The following GRIK1 variants were observed in gnomAD, a reference collection of about 807,000 sequenced individuals.
GRIK1 encodes the protein glutamate receptor ionotropic, kainate 1.
Under a neutral mutation model 105.7 loss-of-function variants are expected in GRIK1, and 69 were observed. The ratio of observed to expected loss-of-function variants is 0.65; its 90% CI spans 0.54 to 0.80. GRIK1 has a LOEUF of 0.80. GRIK1 is among the 30% of genes least tolerant of loss of function. The pLI is 0.00. For missense variants in GRIK1, 1,109 were observed against 1,167.3 expected, an observed-to-expected ratio of 0.95 and a Z score of 0.73; for synonymous variants, 438 against 431.3, an observed-to-expected ratio of 1.02 and a Z score of -0.19.
At chr21:29,555,459 T>C (rs2090228181) in intron 15 of GRIK1, among the ~76,000 whole-genome samples, 157 bp from the exon 16 acceptor site, 1 of 152,064 alleles carries the variant, frequency 6.6e-6, no homozygotes, top group African/African-American at 2.4e-5. Flanking sequence ...CACTCCTATA[T>C]TTTGAAGGCA....
chr21:29,619,972 T>C (rs955715577), intron 7 of GRIK1, among the ~76,000 whole-genome samples: 30 of 152,238 alleles, frequency 2.0e-4, no homozygotes, highest in African/African-American at 7.0e-4. Context: ...CATCAAAGGA[T>C]GACCAAAGAT....
chr21:29,685,128 A>G (rs1029738367), intron 3 of GRIK1, among the ~76,000 whole-genome samples: 12 of 152,156 alleles, frequency 7.9e-5, no homozygotes, highest in Admixed American at 2.6e-4. Flanking sequence ...TTATGTCCTT[A>G]CACTTTTCTT....
At chr21:29,835,098 G>C (rs1203420015) in intron 1 of GRIK1, among the ~76,000 whole-genome samples, 1 of 152,046 alleles carries the variant, frequency 6.6e-6, no homozygotes, top group Non-Finnish European at 1.5e-5. Flanking sequence ...GCTTCTTCTG[G>C]ACCGCACTTA....
chr21:29,938,047 T>C (rs1298334656), intron 1 of GRIK1, among the ~76,000 whole-genome samples: 1 of 152,234 alleles, frequency 6.6e-6, no homozygotes, highest in African/African-American at 2.4e-5. Flanking sequence ...CAGCTCAAAG[T>C]AGCACATTTC....
rs1428417093 is a variant in GRIK1, at chr21:29,786,637, CCA to C, written c.119-92576_119-92575del. On this transcript the variant is annotated intron_variant, in intron 1 of 17. Coordinates refer to ENST00000327783, the MANE Select transcript of GRIK1 (RefSeq NM_001330994.2). ...ACACAGAAAAGTCTCTCTGGTATTG[CCA>C]CAGTTAATAAATTTCCTGTGAAACC... 6.6e-5 allele frequency among the ~76,000 whole-genome samples: 10 copies of C among 152,290 alleles called. No homozygotes were observed. The East Asian group carries it at 1.9e-3, about 29-fold the overall frequency.
chr21:29,837,665 A>C (rs111506825), intron 1 of GRIK1, among the ~76,000 whole-genome samples: 1 of 152,330 alleles, frequency 6.6e-6, no homozygotes, highest in Middle Eastern at 3.4e-3. Flanking sequence ...ATATTTTAGA[A>C]TATATGAAGA....
At chr21:29,758,981 G>A (rs1317638174) in intron 1 of GRIK1, 6 of 153,372 alleles carry the variant, frequency 3.9e-5, no homozygotes, top group East Asian at 1.9e-4. Flanking sequence ...TCAGCTAAGC[G>A]AGTCACTCAG....
chr21:29,738,062 G>A (rs1406370868), intron 1 of GRIK1, among the ~76,000 whole-genome samples: 1 of 152,246 alleles, frequency 6.6e-6, no homozygotes, highest in Non-Finnish European at 1.5e-5. Context: ...AGCAACCATA[G>A]AGACAGCTCA....
In GRIK1 at chr21:29,579,979, ATATGTGTG is replaced by A. The variant is rs1438816214; in HGVS notation, c.1912+1438_1912+1445del. Among the ~76,000 whole-genome samples the A allele has an allele frequency of 2.1e-5, 3 of 142,626 alleles. No individual in the cohort carries two copies. The East Asian group carries it at 6.0e-4, about 28-fold the overall frequency. The allele number at this position is 142,626 out of a possible 152,430, so 93.6% of individuals were successfully genotyped here. A position where few individuals can be genotyped will look rare whatever the true frequency, so the allele number is the denominator to read the frequency against. ...TATGTGTGTGTGTATATATATATAT[ATATGTGTG>A]TATATATATGTATATATATGTATAT... On this transcript the variant is annotated intron_variant, in intron 13 of 17. Coordinates refer to ENST00000327783, the MANE Select transcript of GRIK1 (RefSeq NM_001330994.2).
intron 1 of GRIK1, among the ~76,000 whole-genome samples, chr21:29,855,939 T>C (rs1379697044): frequency 6.6e-6 from 1 of 152,116 alleles, no homozygotes; most frequent in Non-Finnish European, 1.5e-5. Flanking sequence ...GTTTGAGGAA[T>C]GTTTGGTAAA....
intron 1 of GRIK1, among the ~76,000 whole-genome samples, chr21:29,870,840 C>T (rs1311790901): frequency 1.3e-5 from 2 of 151,988 alleles, no homozygotes; most frequent in Non-Finnish European, 2.9e-5. Context: ...CCTCCTTCCA[C>T]CCCACTAACA....
At chr21:29,792,343 T>C (rs2066441760) in intron 1 of GRIK1, among the ~76,000 whole-genome samples, 1 of 152,124 alleles carries the variant, frequency 6.6e-6, no homozygotes, top group Non-Finnish European at 1.5e-5. Context: ...ATGAATTCAG[T>C]GTTAGGAAAG....
intron 1 of GRIK1, among the ~76,000 whole-genome samples, chr21:29,760,857 G>A (rs561239898): frequency 2.0e-5 from 3 of 152,236 alleles, no homozygotes; most frequent in Admixed American, 1.3e-4. Flanking sequence ...CTCATACAAC[G>A]CCAAGATTCA....
chr21:29,741,935 G>A (rs555062478), intron 1 of GRIK1, among the ~76,000 whole-genome samples: 1 of 152,186 alleles, frequency 6.6e-6, no homozygotes, highest in Non-Finnish European at 1.5e-5. Context: ...CTGAGAGAAG[G>A]AAACAGAGTC....
chr21:29,537,414 C>T (rs1408528055), intron 17 of GRIK1, 29 bp from the exon 18 acceptor site: 16 of 1,580,858 alleles, frequency 1.0e-5, no homozygotes, highest in Non-Finnish European at 1.3e-5. Flanking sequence ...AGACCATCAG[C>T]TTAATTAAGC....
At chr21:29,889,720 T>G (rs1055673203) in intron 1 of GRIK1, among the ~76,000 whole-genome samples, 7 of 152,224 alleles carry the variant, frequency 4.6e-5, no homozygotes, top group Non-Finnish European at 7.4e-5. Context: ...GCTTGTGCTA[T>G]CTCCTCTTCT....
chr21:29,808,503 TTAGAG>T (rs2066922908), intron 1 of GRIK1, among the ~76,000 whole-genome samples: 1 of 152,140 alleles, frequency 6.6e-6, no homozygotes, highest in Non-Finnish European at 1.5e-5. Flanking sequence ...GCTATATATA[TTAGAG>T]TAATTACCAG....
intron 1 of GRIK1, among the ~76,000 whole-genome samples, chr21:29,850,910 C>T (rs545821925): frequency 6.6e-6 from 1 of 152,256 alleles, no homozygotes; most frequent in Admixed American, 6.5e-5. Context: ...ACTTTTAGAG[C>T]AAACTTTTAC....
intron 15 of GRIK1, among the ~76,000 whole-genome samples, chr21:29,560,523 TC>T (rs1208009653): frequency 1.4e-5 from 1 of 72,424 alleles, no homozygotes; most frequent in African/African-American, 6.5e-5. Context: ...TTCCTTCCTT[TC>T]TTTCTTTCTT....
Sources: allele counts gnomAD v4.1 joint callset (sites outside exome capture counted in the v4.1 genomes callset), GRCh38; gene constraint gnomAD v4.1.1; transcripts MANE v1.5; gene names NCBI Gene and HGNC (gene_info 2026-07-23, HGNC 2026-07-21).